Variants in AK5 observed in about 807,000 individuals in gnomAD.
AK5 encodes adenylate kinase 5.
A neutral mutation model predicts 69.5 loss-of-function variants in AK5; 27 were observed. That is an observed-to-expected ratio of 0.39 (90% confidence interval 0.29 to 0.54). AK5 has a LOEUF of 0.54. Among genes scored for constraint, AK5 ranks in the 20% least tolerant of loss-of-function variants. The probability of loss-of-function intolerance (pLI) is 0.71; values close to 1 mark genes in which losing one functional copy is unlikely to be tolerated. For synonymous variants in AK5, 260 were observed against 244.4 expected (o/e 1.06, Z -0.60); for missense variants, 531 against 700.4 (o/e 0.76, Z 2.73).
chr1:77,511,222 AT>A (rs1487050030), intron 10 of AK5, among the ~76,000 whole-genome samples: 1 of 152,120 alleles, frequency 6.6e-6, no homozygotes, highest in African/African-American at 2.4e-5. Flanking sequence ...TCTGATCCTT[AT>A]TGTGTGGACT....
At chr1:77,557,670 AAT>A (rs1660179275) in intron 13 of AK5, among the ~76,000 whole-genome samples, 1 of 151,720 alleles carries the variant, frequency 6.6e-6, no homozygotes, top group Admixed American at 6.6e-5. Context: ...CTCATCCCTC[AAT>A]CTCTCCCCTA....
intron 8 of AK5, among the ~76,000 whole-genome samples, chr1:77,438,323 A>T (rs943653050): frequency 6.1e-4 from 72 of 117,552 alleles, no homozygotes; most frequent in Non-Finnish European, 1.2e-3. Flanking sequence ...AAAAAAAAAA[A>T]ACAAGCTTGG....
intron 10 of AK5, among the ~76,000 whole-genome samples, chr1:77,494,108 G>A (rs1221279967): frequency 6.6e-6 from 1 of 152,144 alleles, no homozygotes; most frequent in Non-Finnish European, 1.5e-5. Context: ...AAACAGAAAA[G>A]AGCCCAAGTA....
chr1:77,310,184 C>T (rs1405937956), intron 5 of AK5, among the ~76,000 whole-genome samples: 1 of 152,086 alleles, frequency 6.6e-6, no homozygotes, highest in Non-Finnish European at 1.5e-5. Context: ...GTCCAAAGAA[C>T]GTTTGTTGAC....
chr1:77,517,164 G>A (rs1230311897), intron 10 of AK5, among the ~76,000 whole-genome samples: 1 of 151,632 alleles, frequency 6.6e-6, no homozygotes, highest in Non-Finnish European at 1.5e-5. Flanking sequence ...CTGCTGTAGG[G>A]AATTTGAATT....
At chr1:77,366,234 T>G (rs1368157537) in intron 6 of AK5, among the ~76,000 whole-genome samples, 1 of 152,192 alleles carries the variant, frequency 6.6e-6, no homozygotes, top group African/African-American at 2.4e-5. Flanking sequence ...TTTAAGCCTC[T>G]ATTTGCTCAT....
intron 6 of AK5, among the ~76,000 whole-genome samples, chr1:77,351,411 T>C (rs531711162): frequency 1.3e-5 from 2 of 152,022 alleles, no homozygotes; most frequent in Admixed American, 6.6e-5. Context: ...AATAAATAAA[T>C]ATATGAATAG....
intron 6 of AK5, 42 bp downstream of exon 6, chr1:77,340,610 C>G (rs1199522199): frequency 1.3e-5 from 21 of 1,571,354 alleles, no homozygotes; most frequent in Non-Finnish European, 1.8e-5. Context: ...CAAGAGCGCT[C>G]TTTCAGATTT....
At chr1:77,340,797 A>G (rs1197975643) in intron 6 of AK5, 2 of 405,160 alleles carry the variant, frequency 4.9e-6, no homozygotes, top group Non-Finnish European at 8.7e-6. Flanking sequence ...AAGAAGATAA[A>G]TTTTAACCTT....
intron 8 of AK5, among the ~76,000 whole-genome samples, chr1:77,471,047 A>AT (rs916226023): frequency 1.2e-4 from 17 of 146,480 alleles, no homozygotes; most frequent in Admixed American, 2.7e-4. Flanking sequence ...TGCCTGGCTA[A>AT]TTTTTTTTTT....
At chr1:77,516,447 G>T (rs1052878847) in intron 10 of AK5, among the ~76,000 whole-genome samples, 3 of 152,102 alleles carry the variant, frequency 2.0e-5, no homozygotes, top group African/African-American at 7.2e-5. Flanking sequence ...AAGATTATGT[G>T]AGGTGGAGGT....
chr1:77,392,808 A>G (rs562126651), intron 6 of AK5, among the ~76,000 whole-genome samples: 2 of 152,222 alleles, frequency 1.3e-5, no homozygotes, highest in African/African-American at 4.8e-5. Context: ...CTATTCTGCA[A>G]TCTAGTGTTA....
intron 8 of AK5, among the ~76,000 whole-genome samples, chr1:77,445,158 T>C (rs1652669781): frequency 6.6e-6 from 1 of 152,174 alleles, no homozygotes; most frequent in Non-Finnish European, 1.5e-5. Context: ...AGGAAGAGAT[T>C]GCTGCATCAT....
intron 13 of AK5, among the ~76,000 whole-genome samples, chr1:77,553,882 A>T (rs538755198): frequency 6.6e-6 from 1 of 152,298 alleles, no homozygotes; most frequent in African/African-American, 2.4e-5. Flanking sequence ...GGCTGTGGGC[A>T]GAAACAGATT....
chr1:77,519,417 C>T (rs1377669198), intron 11 of AK5, among the ~76,000 whole-genome samples: 2 of 152,172 alleles, frequency 1.3e-5, no homozygotes, highest in Non-Finnish European at 2.9e-5. Flanking sequence ...TAGCTGGCCT[C>T]CTGGAGCCCA....
chr1:77,310,149 A>G (rs1659863508), intron 5 of AK5, among the ~76,000 whole-genome samples: 1 of 152,122 alleles, frequency 6.6e-6, no homozygotes, highest in Non-Finnish European at 1.5e-5. Context: ...CATGTTTTGA[A>G]TGGAAATGAA....
At chr1:77,287,677 A>G (rs1206956845) in intron 2 of AK5, among the ~76,000 whole-genome samples, 2 of 152,268 alleles carry the variant, frequency 1.3e-5, no homozygotes, top group African/African-American at 2.4e-5. Context: ...AACCCCCAGA[A>G]ACACAGCAGA....
chr1:77,488,511 C>T (rs1443418916), intron 10 of AK5, among the ~76,000 whole-genome samples: 2 of 152,110 alleles, frequency 1.3e-5, no homozygotes, highest in Non-Finnish European at 1.5e-5. Context: ...TATTAGTCAG[C>T]GTTCTCTAGA....
chr1:77,320,311 A>G (rs1472142551), intron 5 of AK5, among the ~76,000 whole-genome samples: 3 of 152,206 alleles, frequency 2.0e-5, no homozygotes, highest in African/African-American at 7.2e-5. Flanking sequence ...GTGGGGACTC[A>G]GCCAAACCGT....
Sources: gnomAD v4.1 joint callset for allele counts (sites outside exome capture counted in the v4.1 genomes callset) on GRCh38, gnomAD v4.1.1 for gene constraint, MANE v1.5 for transcripts, NCBI Gene and HGNC (gene_info 2026-07-23, HGNC 2026-07-21) for gene names.